Variants in TLK2 observed in about 807,000 individuals in gnomAD.
The protein encoded by TLK2 is tousled like kinase 2.
In TLK2, 6 loss-of-function variants were observed where a neutral mutation model predicts 117.3. The observed-to-expected ratio is 0.05, with a 90% confidence interval of 0.03 to 0.10. TLK2 has a LOEUF of 0.10. Among genes scored for constraint, TLK2 ranks in the 10% least tolerant of loss-of-function variants. The pLI is 1.00. For missense variants in TLK2, 299 were observed against 901.2 expected, an observed-to-expected ratio of 0.33 and a Z score of 8.56; for synonymous variants, 257 against 316.7, an observed-to-expected ratio of 0.81 and a Z score of 2.00.
At chr17:62,515,715 T>C (rs1173769173) in intron 2 of TLK2, among the ~76,000 whole-genome samples, 26 of 152,210 alleles carry the variant, frequency 1.7e-4, no homozygotes. Context: ...GTTATTCATA[T>C]ATTTGGGTTA....
At chr17:62,536,371 T>C in intron 7 of TLK2, 34 bp downstream of exon 7, 1 of 1,584,414 alleles carries the variant, frequency 6.3e-7, no homozygotes, top group Non-Finnish European at 8.6e-7. Context: ...TCATATCCTT[T>C]CCATTGCCCT....
At chr17:62,491,052 G>C (rs1474628921) in intron 2 of TLK2, among the ~76,000 whole-genome samples, 2 of 152,120 alleles carry the variant, frequency 1.3e-5, no homozygotes, top group Non-Finnish European at 2.9e-5. Context: ...ATTTTTTTGA[G>C]TTCTGGTCTT....
chr17:62,539,957 A>G (rs983187255), intron 7 of TLK2, among the ~76,000 whole-genome samples: 2 of 151,984 alleles, frequency 1.3e-5, no homozygotes, highest in Admixed American at 1.3e-4. Flanking sequence ...AAACATGTCA[A>G]ATGTAACATG....
intron 2 of TLK2, among the ~76,000 whole-genome samples, chr17:62,492,406 C>G (rs186424776): frequency 6.6e-6 from 1 of 151,710 alleles, no homozygotes; most frequent in Non-Finnish European, 1.5e-5. Context: ...AGGATGGTGT[C>G]TGTTTTCTAG....
intron 15 of TLK2, among the ~76,000 whole-genome samples, chr17:62,580,702 C>T (rs1412611524): frequency 6.6e-6 from 1 of 152,182 alleles, no homozygotes; most frequent in African/African-American, 2.4e-5. Context: ...GGCTGCTGAG[C>T]TTCCAGGTTG....
Position 62,552,385 on chromosome 17 carries a change from C to T in TLK2, c.615C>T (p.His205=), listed in dbSNP as rs1359012031. Residue 205 remains histidine (H), a synonymous_variant, in exon 8 of 22, where the codon CAC becomes CAT. Transcript: ENST00000346027. ...CCCAAAAACAGATCTCCATCCAGCA[C>T]AGACAGACCCAGGTAGGTTGGTGAT... is the stretch of plus-strand genomic sequence containing the variant. ...CSSQKQISIQ[H]RQTQSDLTIE... 1.2e-6 allele frequency: 2 copies of T among 1,614,058 alleles called. No homozygotes were observed. The highest frequency in any genetic ancestry group is 3.3e-4 in the Middle Eastern group (2 of 6,062).
At chr17:62,491,303 G>T (rs1055404957) in intron 2 of TLK2, among the ~76,000 whole-genome samples, 30 of 152,100 alleles carry the variant, frequency 2.0e-4, no homozygotes, top group Admixed American at 1.9e-3. Context: ...TTTACTTTTA[G>T]TTAAATTCAG....
intron 7 of TLK2, chr17:62,549,652 C>G (rs947295855): frequency 3.3e-5 from 5 of 151,956 alleles, no homozygotes; most frequent in Admixed American, 2.6e-4. Context: ...TGCTCCCCCC[C>G]AAGACCCCCA....
intron 2 of TLK2, among the ~76,000 whole-genome samples, chr17:62,498,458 C>T (rs373506087): frequency 2.0e-4 from 30 of 149,714 alleles, no homozygotes; most frequent in African/African-American, 6.4e-4. Context: ...GGCACAGTCT[C>T]GGGTCACTGC....
intron 16 of TLK2, among the ~76,000 whole-genome samples, chr17:62,596,223 G>A (rs1237807653): frequency 2.0e-5 from 3 of 152,102 alleles, no homozygotes; most frequent in African/African-American, 7.2e-5. Context: ...CCACAGGTGC[G>A]CACCACTACG....
intron 11 of TLK2, chr17:62,572,803 T>G (rs2146606650): frequency 6.5e-6 from 1 of 154,060 alleles, no homozygotes; most frequent in East Asian, 1.9e-4. Context: ...ACTGAGAAGC[T>G]TTCATCCAAA....
intron 15 of TLK2, among the ~76,000 whole-genome samples, chr17:62,584,345 G>A (rs959251430): frequency 2.6e-5 from 4 of 151,626 alleles, no homozygotes; most frequent in Non-Finnish European, 5.9e-5. Context: ...TCGATCTCCC[G>A]ACCTCATGAT....
At chr17:62,549,115 C>T (rs1178799184) in intron 7 of TLK2, among the ~76,000 whole-genome samples, 2 of 145,346 alleles carry the variant, frequency 1.4e-5, no homozygotes, top group Non-Finnish European at 3.0e-5. Context: ...ATTGTAGGGC[C>T]GGGCGCGGTG....
At chr17:62,504,723 G>A (rs1256654595) in intron 2 of TLK2, among the ~76,000 whole-genome samples, 2 of 152,136 alleles carry the variant, frequency 1.3e-5, no homozygotes, top group African/African-American at 4.8e-5. Context: ...TGGGAGGATT[G>A]CTTGAGCCTG....
intron 2 of TLK2, among the ~76,000 whole-genome samples, chr17:62,513,209 G>T (rs1164476827): frequency 6.6e-6 from 1 of 151,232 alleles, no homozygotes; most frequent in East Asian, 1.9e-4. Flanking sequence ...TGTAAGCAAG[G>T]TGTTTTTTTG....
chr17:62,577,439 G>A (rs932686067), intron 13 of TLK2, among the ~76,000 whole-genome samples: 1 of 152,144 alleles, frequency 6.6e-6, no homozygotes, highest in Non-Finnish European at 1.5e-5. Context: ...GAAGACTCCT[G>A]TCATATTTCA....
At chr17:62,611,585 A>G in intron 21 of TLK2, among the ~76,000 whole-genome samples, 1 of 152,232 alleles carries the variant, frequency 6.6e-6, no homozygotes, top group East Asian at 1.9e-4. Context: ...GACACATCAC[A>G]TCCTTGTCAC....
chr17:62,587,512 A>C (rs541014747), intron 16 of TLK2, among the ~76,000 whole-genome samples: 4 of 152,304 alleles, frequency 2.6e-5, no homozygotes, highest in African/African-American at 7.2e-5. Flanking sequence ...AGCCTGGTCC[A>C]AGGCAACTCT....
At chr17:62,607,012 CTTTTTTTT>C (rs10680028) in intron 20 of TLK2, among the ~76,000 whole-genome samples, 2 of 123,566 alleles carry the variant, frequency 1.6e-5, no homozygotes, top group African/African-American at 3.0e-5. Flanking sequence ...TCTCCTTGGT[CTTTTTTTT>C]TTTTTTTTTT....
Sources: gnomAD v4.1 joint callset for allele counts (sites outside exome capture counted in the v4.1 genomes callset) on GRCh38, gnomAD v4.1.1 for gene constraint, MANE v1.5 for transcripts, NCBI Gene and HGNC (gene_info 2026-07-23, HGNC 2026-07-21) for gene names.